The following IL1RAPL1 variants were observed in gnomAD, a reference collection of about 807,000 sequenced individuals.
The protein encoded by IL1RAPL1 is interleukin-1 receptor accessory protein-like 1.
IL1RAPL1 carries 3 observed loss-of-function variants against 48.4 expected under a neutral mutation model. That is an observed-to-expected ratio of 0.06 (90% CI 0.03 to 0.16). IL1RAPL1 has a LOEUF of 0.16. IL1RAPL1 is among the 10% of genes least tolerant of loss of function. The probability of loss-of-function intolerance (pLI) is 1.00; values close to 1 mark genes in which losing one functional copy is unlikely to be tolerated. For missense variants in IL1RAPL1, 349 were observed against 530.6 expected (o/e 0.66, Z 3.36); for synonymous variants, 185 against 187.7 (o/e 0.99, Z 0.12).
intron 1 of IL1RAPL1, among the ~76,000 whole-genome samples, chrX:28,634,757 A>AT (rs772224726): frequency 9.3e-6 from 1 of 107,387 alleles, no homozygotes; most frequent in East Asian, 2.9e-4. Flanking sequence ...TATTCTTTCT[A>AT]TTTTTTTTAA....
At chrX:28,798,160 G>T (rs1234380527) in intron 2 of IL1RAPL1, among the ~76,000 whole-genome samples, 1 of 111,048 alleles carries the variant, frequency 9.0e-6, no homozygotes, top group Non-Finnish European at 1.9e-5. Flanking sequence ...ATGAGATTTG[G>T]GTGGGGACAC....
intron 2 of IL1RAPL1, among the ~76,000 whole-genome samples, chrX:29,171,035 C>T (rs1569251438): frequency 9.0e-6 from 1 of 111,111 alleles, no homozygotes; most frequent in Non-Finnish European, 1.9e-5. Flanking sequence ...CTCACTCTGT[C>T]GCCCAAGCTG....
chrX:29,127,344 T>C (rs1415356308), intron 2 of IL1RAPL1, among the ~76,000 whole-genome samples: 5 of 111,590 alleles, frequency 4.5e-5, no homozygotes, highest in Non-Finnish European at 9.4e-5. Flanking sequence ...TGTGGAACCT[T>C]AGGATCTGCA....
At chrX:28,994,926 G>T (rs769625276) in intron 2 of IL1RAPL1, among the ~76,000 whole-genome samples, 1 of 111,703 alleles carries the variant, frequency 9.0e-6, no homozygotes, top group East Asian at 2.8e-4. Flanking sequence ...ACAAAATGCA[G>T]AAGACTGTAT....
intron 2 of IL1RAPL1, among the ~76,000 whole-genome samples, chrX:28,824,899 T>C: frequency 8.9e-6 from 1 of 111,754 alleles, no homozygotes; most frequent in South Asian, 3.7e-4. Flanking sequence ...ATCCAGGGTA[T>C]GTTATGCAAC....
intron 2 of IL1RAPL1, among the ~76,000 whole-genome samples, chrX:29,128,758 A>AATGG (rs946285247): frequency 1.8e-5 from 2 of 111,591 alleles, no homozygotes; most frequent in Admixed American, 9.6e-5. Context: ...TTCCTTAATG[A>AATGG]ATGGATGGAT....
At chrX:29,255,424 A>G (rs1348281092) in intron 2 of IL1RAPL1, among the ~76,000 whole-genome samples, 3 of 109,934 alleles carry the variant, frequency 2.7e-5, no homozygotes, top group Non-Finnish European at 3.8e-5. Context: ...AAATGTCTCA[A>G]ATAAACTCTT....
At chrX:29,088,672 CAAAAAAAAAAA>C (rs1182451817) in intron 2 of IL1RAPL1, among the ~76,000 whole-genome samples, 3 of 32,885 alleles carry the variant, frequency 9.1e-5, no homozygotes, top group African/African-American at 3.4e-4. Flanking sequence ...CACTCCTTCT[CAAAAAAAAAAA>C]AAAAAAAAAA....
At chrX:28,751,379 G>C (rs940840817) in intron 1 of IL1RAPL1, among the ~76,000 whole-genome samples, 2 of 111,650 alleles carry the variant, frequency 1.8e-5, no homozygotes, top group Non-Finnish European at 3.8e-5. Context: ...AACTTGTATA[G>C]TAATTAAAAC....
chrX:29,290,856 A>G (rs1932359190), intron 3 of IL1RAPL1, among the ~76,000 whole-genome samples: 1 of 111,802 alleles, frequency 8.9e-6, no homozygotes, highest in Admixed American at 9.5e-5. Flanking sequence ...CATCTCCTTG[A>G]GTCATGCTTA....
intron 6 of IL1RAPL1, among the ~76,000 whole-genome samples, chrX:29,790,263 C>T (rs1277474991): frequency 8.9e-6 from 1 of 111,764 alleles, no homozygotes; most frequent in Non-Finnish European, 1.9e-5. Flanking sequence ...ATATTTCATC[C>T]CTTTCCCTGT....
chrX:29,571,045 C>T lies in IL1RAPL1; in HGVS notation c.704-97385C>T, dbSNP rs1326365523. ...GACCATCCTGGCTAATACAGTGAAA[C>T]CCCGTCTCTACCAAAAAATACAAAA... On this transcript the variant is annotated intron_variant, in intron 5 of 10. Transcript: ENST00000378993. 4.5e-5 allele frequency among the ~76,000 whole-genome samples: 5 copies of T among 110,969 alleles called. No individual in the cohort carries two copies. In the East Asian group the frequency reaches 1.4e-3, roughly 32 times the overall value.
intron 6 of IL1RAPL1, among the ~76,000 whole-genome samples, chrX:29,724,328 C>T (rs1927721224): frequency 9.0e-6 from 1 of 111,400 alleles, no homozygotes; most frequent in Non-Finnish European, 1.9e-5. Context: ...AAGCAGCAGG[C>T]ATAGAAAGAA....
At chrX:29,394,743 G>A (rs1399092921) in intron 3 of IL1RAPL1, among the ~76,000 whole-genome samples, 1 of 111,519 alleles carries the variant, frequency 9.0e-6, no homozygotes, top group Non-Finnish European at 1.9e-5. Context: ...GAACACACAC[G>A]CTCAGGACTT....
intron 2 of IL1RAPL1, among the ~76,000 whole-genome samples, chrX:28,943,926 T>G (rs1206901101): frequency 9.0e-6 from 1 of 111,164 alleles, no homozygotes; most frequent in Non-Finnish European, 1.9e-5. Flanking sequence ...TCTACTTTTG[T>G]GAAAGTTATG....
intron 5 of IL1RAPL1, among the ~76,000 whole-genome samples, chrX:29,416,476 G>T (rs907698761): frequency 1.8e-5 from 2 of 111,162 alleles, no homozygotes; most frequent in African/African-American, 6.5e-5. Flanking sequence ...GGCAGAGGTT[G>T]CAGTGAGCCA....
intron 2 of IL1RAPL1, among the ~76,000 whole-genome samples, chrX:28,966,619 C>T (rs1325857495): frequency 1.8e-5 from 2 of 111,697 alleles, no homozygotes; most frequent in African/African-American, 6.5e-5. Context: ...ATATAAAGAA[C>T]TTAGTGGTTG....
At chrX:29,784,062 T>C (rs778652524) in intron 6 of IL1RAPL1, among the ~76,000 whole-genome samples, 54 of 112,131 alleles carry the variant, frequency 4.8e-4, no homozygotes, top group Non-Finnish European at 9.2e-4. Context: ...CTTTTAAACG[T>C]TGGCTGAGGC....
chrX:28,754,454 G>T (rs1936084984), intron 1 of IL1RAPL1, among the ~76,000 whole-genome samples: 1 of 111,686 alleles, frequency 9.0e-6, no homozygotes, highest in African/African-American at 3.3e-5. Context: ...TGTTAAACAA[G>T]AATTTATGCC....
Sources: allele counts gnomAD v4.1 joint callset (sites outside exome capture counted in the v4.1 genomes callset), GRCh38; gene constraint gnomAD v4.1.1; transcripts MANE v1.5; gene names NCBI Gene and HGNC (gene_info 2026-07-23, HGNC 2026-07-21).